The following TTLL7 variants were observed in gnomAD, a reference collection of about 807,000 sequenced individuals.
TTLL7 encodes tubulin polyglutamylase TTLL7.
A neutral mutation model predicts 120.2 loss-of-function variants in TTLL7; 53 were observed. That is an observed-to-expected ratio of 0.44 (90% CI 0.35 to 0.55). The LOEUF (loss-of-function observed/expected upper bound fraction) is 0.55. Ranked by LOEUF, TTLL7 falls within the 20% of genes least tolerant of loss-of-function variation. The pLI is 0.00. For synonymous variants in TTLL7, 353 were observed against 351.7 expected (o/e 1.00, Z -0.04); for missense variants, 803 against 1,054.7 (o/e 0.76, Z 3.31).
intron 1 of TTLL7, among the ~76,000 whole-genome samples, chr1:83,974,074 G>A (rs997814936): frequency 1.3e-5 from 2 of 151,700 alleles, no homozygotes; most frequent in Non-Finnish European, 2.9e-5. Context: ...TAAGAGCATA[G>A]GTATCCTACA....
chr1:83,971,027 G>A (rs770966329), intron 1 of TTLL7, among the ~76,000 whole-genome samples: 5 of 151,994 alleles, frequency 3.3e-5, no homozygotes, highest in Admixed American at 2.0e-4. Context: ...TAGGGAGGAC[G>A]CCTGGAAAAG....
chr1:83,944,219 G>GA (rs963898797), intron 6 of TTLL7, among the ~76,000 whole-genome samples: 19 of 151,426 alleles, frequency 1.3e-4, no homozygotes, highest in African/African-American at 4.6e-4. Context: ...AGAAGACAAA[G>GA]AAAAAAAATC....
intron 8 of TTLL7, 79 bp from the exon 9 acceptor site, chr1:83,933,845 C>T: frequency 7.3e-7 from 1 of 1,378,456 alleles, no homozygotes; most frequent in Non-Finnish European, 9.9e-7. Context: ...GGCCCACAAA[C>T]TGGCAGCCTG....
Position 83,883,032 on chromosome 1 carries a change from A to G in TTLL7, c.2474T>C (p.Val825Ala), listed in dbSNP as rs1295890511. Residue 825 changes from valine (V) to alanine (A), a missense_variant, in exon 20 of 21, where the codon GTG becomes GCG. Coordinates refer to ENST00000260505, the MANE Select transcript of TTLL7 (RefSeq NM_024686.6). Reference protein sequence around the residue: ...LVELCKQCLLVVYKYATDKRG... With the variant: ...LVELCKQCLLAVYKYATDKRG... ...TTTGTCAGTTGCATATTTGTAAACC[A>G]CTAGCAGGCACTGTTTACAAAGCTC... The G allele has an allele frequency of 1.9e-6, 3 of 1,612,696 alleles. No homozygotes were observed. The African/African-American group carries it at 4.0e-5, about 22-fold the overall frequency.
chr1:83,933,585 T>C (rs1358987424), intron 9 of TTLL7, 23 bp downstream of exon 9: 8 of 1,605,496 alleles, frequency 5.0e-6, no homozygotes, highest in Admixed American at 1.7e-5. Flanking sequence ...ATAACTCTTC[T>C]TTTTTCTTAA....
intron 1 of TTLL7, among the ~76,000 whole-genome samples, chr1:83,957,328 A>G (rs1464192792): frequency 1.3e-5 from 2 of 152,242 alleles, no homozygotes; most frequent in Non-Finnish European, 2.9e-5. Flanking sequence ...GTCTTTGTAC[A>G]TTAATTTTTA....
chr1:83,969,813 A>C (rs1325259988), intron 1 of TTLL7, among the ~76,000 whole-genome samples: 1 of 152,040 alleles, frequency 6.6e-6, no homozygotes, highest in Non-Finnish European at 1.5e-5. Context: ...TTAAAATTGA[A>C]AATGAAGATC....
rs202091530 is a variant in TTLL7 at position 83,952,230 on chromosome 1, G to C, written c.-19C>G. 2.5e-4 allele frequency: 403 copies of C among 1,613,700 alleles called. 1 individual carries two copies. Among genetic ancestry groups the C allele is most frequent in the Non-Finnish European group, 3.1e-4 (368 of 1,179,858 alleles). Reference sequence around the variant, plus strand: ...ATGGCATTATTGCCTGTGCTGATTAGCAAGCAGTGTGTGCTGCTGTACCAA... The same window carrying C: ...ATGGCATTATTGCCTGTGCTGATTACCAAGCAGTGTGTGCTGCTGTACCAA... On this transcript the variant is annotated 5_prime_UTR_variant, in exon 2 of 21. Transcript: ENST00000260505.
intron 18 of TTLL7, among the ~76,000 whole-genome samples, chr1:83,895,859 T>C (rs752136912): frequency 1.2e-4 from 18 of 152,186 alleles, no homozygotes; most frequent in Non-Finnish European, 1.8e-4. Flanking sequence ...TCAAATGGTA[T>C]TTGGGAGGAG....
At chr1:83,977,333 T>C (rs1420853441) in intron 1 of TTLL7, among the ~76,000 whole-genome samples, 1 of 152,152 alleles carries the variant, frequency 6.6e-6, no homozygotes, top group African/African-American at 2.4e-5. Flanking sequence ...CACTGCTCCA[T>C]AAAATCTATT....
intron 7 of TTLL7, among the ~76,000 whole-genome samples, chr1:83,941,597 A>C (rs1180310360): frequency 5.9e-5 from 9 of 152,194 alleles, no homozygotes; most frequent in African/African-American, 1.7e-4. Flanking sequence ...TTGTGTGCAT[A>C]ATATTAGGGG....
At chr1:83,951,264 G>C (rs1649022677) in intron 3 of TTLL7, among the ~76,000 whole-genome samples, 1 of 151,938 alleles carries the variant, frequency 6.6e-6, no homozygotes, top group Non-Finnish European at 1.5e-5. Flanking sequence ...CAGGAGAATG[G>C]CGTGAACCCG....
At chr1:83,965,945 A>C (rs2100553523) in intron 1 of TTLL7, among the ~76,000 whole-genome samples, 1 of 152,196 alleles carries the variant, frequency 6.6e-6, no homozygotes, top group East Asian at 1.9e-4. Context: ...TCTATGGCAA[A>C]TCAAGATTTG....
chr1:83,970,719 C>G (rs1650894899), intron 1 of TTLL7, among the ~76,000 whole-genome samples: 1 of 151,986 alleles, frequency 6.6e-6, no homozygotes, highest in African/African-American at 2.4e-5. Context: ...AGAAATAAAC[C>G]TTGATATGAG....
Position 83,907,593 on chromosome 1 carries a change from G to A in TTLL7, c.1855C>T (p.Arg619Cys), listed in dbSNP as rs34313577. The change falls in exon 16 of 21, where the codon CGC becomes TGC. Residue 619 changes from arginine (R) to cysteine (C), a missense_variant. Arg to Cys is a radical substitution (Grantham distance 180). Transcript: ENST00000260505. ...ATCATTTGTTGAGCAGAAAATGGGC[G>A]GGTGTCCCCACTGGAAGGTGATTGA... ...SAQSPSSGDT[R>C]PFSAQQMISV... 6.0e-4 allele frequency: 973 copies of A among 1,613,088 alleles called. 4 individuals are homozygous for A. The highest frequency in any genetic ancestry group is 5.5e-4 in the Admixed American group (33 of 59,838).
chr1:83,938,921 A>T (rs1030242941), intron 7 of TTLL7, among the ~76,000 whole-genome samples: 4 of 152,236 alleles, frequency 2.6e-5, no homozygotes, highest in Middle Eastern at 3.4e-3. Flanking sequence ...AACTATATTC[A>T]TGTCATATTT....
intron 1 of TTLL7, among the ~76,000 whole-genome samples, chr1:83,995,427 G>T (rs1288543266): frequency 6.6e-6 from 1 of 151,340 alleles, no homozygotes; most frequent in Non-Finnish European, 1.5e-5. Flanking sequence ...ACAAGATCTG[G>T]TCACTTAAAG....
chr1:83,901,089 G>T lies in TTLL7; in HGVS notation c.2208+2990C>A, dbSNP rs533975593. Reference sequence around the variant, plus strand: ...GTTGATTGATTTGCAGAAGGTATTGGTTCACTAGTGTTACTTGTCATTTTA... The same window carrying T: ...GTTGATTGATTTGCAGAAGGTATTGTTTCACTAGTGTTACTTGTCATTTTA... On this transcript the variant is annotated intron_variant, in intron 18 of 20. Coordinates refer to ENST00000260505, the MANE Select transcript of TTLL7 (RefSeq NM_024686.6). Among the ~76,000 whole-genome samples, 72 of 151,964 alleles carry T rather than the reference G, an allele frequency of 4.7e-4. 1 individual carries two copies. Among genetic ancestry groups the T allele is most frequent in the African/African-American group, 1.7e-3 (69 of 41,496 alleles).
Position 83,867,941 on chromosome 1 carries a change from A to G in TTLL7, c.*2021T>C, listed in dbSNP as rs902246983. ...TCACTGTAATTTCCTTCATTCTGAT[A>G]CCCTTATTCTCTTCTTCCACAAATA... On this transcript the variant is annotated 3_prime_UTR_variant, in exon 21 of 21. Transcript: ENST00000260505. The G allele has an allele frequency of 6.6e-6, 1 of 152,140 alleles. No individual in the cohort carries two copies. Among genetic ancestry groups the G allele is most frequent in the Non-Finnish European group, 1.5e-5 (1 of 67,994 alleles). The allele number at this position is 152,140 out of a possible 1,614,324, so 9.4% of individuals were successfully genotyped here.
Sources: gnomAD v4.1 joint callset for allele counts (sites outside exome capture counted in the v4.1 genomes callset) on GRCh38, gnomAD v4.1.1 for gene constraint, MANE v1.5 for transcripts, NCBI Gene and HGNC (gene_info 2026-07-23, HGNC 2026-07-21) for gene names.